INPP4B: variants seen among roughly 807,000 people sequenced by gnomAD.
INPP4B encodes inositol polyphosphate-4-phosphatase type II B.
In INPP4B, 55 loss-of-function variants were observed where a neutral mutation model predicts 122.5. The observed-to-expected ratio is 0.45, with a 90% CI of 0.36 to 0.56. The LOEUF is 0.56. Ranked by LOEUF, INPP4B falls within the 20% of genes least tolerant of loss-of-function variation. INPP4B has a pLI of 0.00. For missense variants in INPP4B, 1,000 were observed against 1,097.7 expected, an observed-to-expected ratio of 0.91 and a Z score of 1.26; for synonymous variants, 403 against 388.7, an observed-to-expected ratio of 1.04 and a Z score of -0.43.
chr4:142,555,829 C>T (rs1415354528), intron 2 of INPP4B, among the ~76,000 whole-genome samples: 1 of 147,368 alleles, frequency 6.8e-6, no homozygotes, highest in Non-Finnish European at 1.5e-5. Context: ...CAAGATCATG[C>T]CACTGCACTC....
At chr4:142,482,405 CT>C (rs1171144560) in intron 2 of INPP4B, among the ~76,000 whole-genome samples, 1 of 152,142 alleles carries the variant, frequency 6.6e-6, no homozygotes, top group Non-Finnish European at 1.5e-5. Context: ...TCCAATTAAG[CT>C]TTTAACCTTA....
intron 2 of INPP4B, among the ~76,000 whole-genome samples, chr4:142,701,526 C>A (rs983727149): frequency 3.3e-5 from 5 of 150,460 alleles, no homozygotes; most frequent in African/African-American, 9.8e-5. Context: ...AAAAAGGTTT[C>A]ATGGAAAGAA....
intron 2 of INPP4B, among the ~76,000 whole-genome samples, chr4:142,536,314 A>G (rs182569421): frequency 9.8e-5 from 15 of 152,318 alleles, no homozygotes; most frequent in African/African-American, 3.4e-4. Flanking sequence ...GTGCCTTGAT[A>G]ATTAGCTGCT....
chr4:142,201,586 G>A (rs1370809243), intron 14 of INPP4B, among the ~76,000 whole-genome samples: 2 of 151,872 alleles, frequency 1.3e-5, no homozygotes, highest in Non-Finnish European at 2.9e-5. Flanking sequence ...TTCAGCTGAT[G>A]AAGAATGGTA....
At chr4:142,783,863 G>A (rs547227399) in intron 1 of INPP4B, among the ~76,000 whole-genome samples, 2 of 152,218 alleles carry the variant, frequency 1.3e-5, no homozygotes, top group South Asian at 4.1e-4. Context: ...AGCAGGGTAA[G>A]AGGAAAGACA....
rs145991978 is a variant in INPP4B, at chr4:142,472,416, T to C, written c.-190-9690A>G. 4.4e-3 allele frequency among the ~76,000 whole-genome samples: 665 copies of C among 152,254 alleles called. 5 individuals are homozygous for C. The highest frequency in any genetic ancestry group is 0.015 in the African/African-American group (638 of 41,546). ...CTGACCAAGTTGTCATTGTCAGTGA[T>C]ACCGAACCCAGTAAGTACTATCTCT... On this transcript the variant is annotated intron_variant, in intron 2 of 25. Coordinates refer to ENST00000262992, the MANE Select transcript of INPP4B (RefSeq NM_001101669.3).
At chr4:142,107,206 G>T (rs1787589730) in intron 23 of INPP4B, among the ~76,000 whole-genome samples, 1 of 151,984 alleles carries the variant, frequency 6.6e-6, no homozygotes, top group African/African-American at 2.4e-5. Context: ...GCAATATTTG[G>T]ATACCACATT....
chr4:142,422,825 A>G (rs752488876), intron 5 of INPP4B, among the ~76,000 whole-genome samples: 1 of 152,024 alleles, frequency 6.6e-6, no homozygotes, highest in Non-Finnish European at 1.5e-5. Flanking sequence ...AAAGAAACAA[A>G]CAAACAAAAA....
At chr4:142,706,972 T>C (rs1762546984) in intron 2 of INPP4B, among the ~76,000 whole-genome samples, 1 of 152,246 alleles carries the variant, frequency 6.6e-6, no homozygotes, top group Non-Finnish European at 1.5e-5. Context: ...ATGGGATCTG[T>C]CTGGCTCCTA....
intron 1 of INPP4B, among the ~76,000 whole-genome samples, chr4:142,792,729 G>A (rs1441968406): frequency 6.6e-6 from 1 of 152,004 alleles, no homozygotes; most frequent in Admixed American, 6.6e-5. Flanking sequence ...CAGCTTTCCA[G>A]GCCACACAAA....
intron 1 of INPP4B, among the ~76,000 whole-genome samples, chr4:142,834,314 C>A (rs1265028304): frequency 6.6e-6 from 1 of 152,168 alleles, no homozygotes; most frequent in Non-Finnish European, 1.5e-5. Context: ...GTAGGATGTT[C>A]AGGTAACACT....
At chr4:142,451,466 G>A (rs1459026000) in intron 3 of INPP4B, among the ~76,000 whole-genome samples, 1 of 151,782 alleles carries the variant, frequency 6.6e-6, no homozygotes, top group Non-Finnish European at 1.5e-5. Flanking sequence ...GGCCAGGCTG[G>A]TCTCAAACTC....
intron 7 of INPP4B, 46 bp from the exon 8 acceptor site, chr4:142,314,808 T>G (rs749002209): frequency 6.7e-7 from 1 of 1,496,936 alleles, no homozygotes; most frequent in Admixed American, 2.0e-5. Flanking sequence ...TAGAAACTAG[T>G]GCAGAAGCCT....
At chr4:142,460,707 G>A (rs1816541231) in intron 3 of INPP4B, among the ~76,000 whole-genome samples, 1 of 152,088 alleles carries the variant, frequency 6.6e-6, no homozygotes, top group African/African-American at 2.4e-5. Flanking sequence ...ATTCTGTGAT[G>A]TTTGTCTCAG....
In INPP4B at chr4:142,603,941, C is replaced by G. The variant is rs909057679; in HGVS notation, c.-191+121898G>C. 3.3e-5 allele frequency among the ~76,000 whole-genome samples: 5 copies of G among 151,230 alleles called. No homozygotes were observed. The South Asian group carries it at 1.0e-3, about 32-fold the overall frequency. Reference sequence around the variant, plus strand: ...ACACACACACACACAAAGTACAGGCCAATACCCCTGCTGAACATAGGTGCA... The same window carrying G: ...ACACACACACACACAAAGTACAGGCGAATACCCCTGCTGAACATAGGTGCA... On this transcript the variant is annotated intron_variant, in intron 2 of 25. Transcript: ENST00000262992.
intron 2 of INPP4B, among the ~76,000 whole-genome samples, chr4:142,525,970 A>C (rs1019399065): frequency 3.3e-5 from 5 of 152,168 alleles, no homozygotes; most frequent in Non-Finnish European, 5.9e-5. Flanking sequence ...AAATGGGAGA[A>C]AATTTCTGCT....
intron 2 of INPP4B, among the ~76,000 whole-genome samples, chr4:142,561,739 G>A (rs1240837095): frequency 6.6e-6 from 1 of 152,136 alleles, no homozygotes; most frequent in Non-Finnish European, 1.5e-5. Flanking sequence ...AGTTTCTAAA[G>A]TTGATTTGTG....
chr4:142,595,166 A>C (rs1738434001), intron 2 of INPP4B, among the ~76,000 whole-genome samples: 1 of 151,970 alleles, frequency 6.6e-6, no homozygotes, highest in South Asian at 2.1e-4. Context: ...AATTTGGTAC[A>C]TTACCTAATT....
At chr4:142,796,896 G>A in intron 1 of INPP4B, among the ~76,000 whole-genome samples, 1 of 150,634 alleles carries the variant, frequency 6.6e-6, no homozygotes, top group East Asian at 2.0e-4. Context: ...GTGTGTGTGT[G>A]TGTGTGTGTG....
Sources: allele counts gnomAD v4.1 joint callset (sites outside exome capture counted in the v4.1 genomes callset), GRCh38; gene constraint gnomAD v4.1.1; transcripts MANE v1.5; gene names NCBI Gene and HGNC (gene_info 2026-07-23, HGNC 2026-07-21).